The following PNPLA3 variants were observed in gnomAD, a reference collection of about 807,000 sequenced individuals.
PNPLA3 encodes the protein 1-acylglycerol-3-phosphate O-acyltransferase PNPLA3.
Under a neutral mutation model 43.1 loss-of-function variants are expected in PNPLA3, and 42 were observed. That is an observed-to-expected ratio of 0.97 (90% CI 0.76 to 1.26). PNPLA3 has a LOEUF of 1.26. Ranked by LOEUF, PNPLA3 falls within the 50% of genes most tolerant of loss-of-function variation. PNPLA3 has a pLI of 0.00. For missense variants in PNPLA3, 647 were observed against 621.4 expected (o/e 1.04, Z -0.44); for synonymous variants, 272 against 253.6 (o/e 1.07, Z -0.69).
chr22:43,928,292 G>A (rs140564410), intron 2 of PNPLA3, among the ~76,000 whole-genome samples: 55 of 152,294 alleles, frequency 3.6e-4, no homozygotes, highest in Admixed American at 1.2e-3. Flanking sequence ...GTGAATCACC[G>A]TGGTGCCTGC....
chr22:43,936,822 A>G (rs1441265451), intron 5 of PNPLA3, among the ~76,000 whole-genome samples: 3 of 152,102 alleles, frequency 2.0e-5, no homozygotes, highest in African/African-American at 7.3e-5. Context: ...ATGTAGATGG[A>G]GCCCACAAAG....
chr22:43,946,670 A>C lies in PNPLA3; in HGVS notation c.*288A>C. The C allele has an allele frequency of 2.9e-5, 17 of 593,470 alleles. No homozygotes were observed. Among genetic ancestry groups the C allele is most frequent in the Non-Finnish European group, 4.2e-5 (13 of 309,444 alleles). The allele number at this position is 593,470 out of a possible 1,614,324, so 36.8% of individuals were successfully genotyped here. On this transcript the variant is annotated 3_prime_UTR_variant, in exon 9 of 9. Transcript: ENST00000216180. ...TACTGACTGTTTCGTGGCCCTATTA[A>C]TGGTCAGACTGTTCCAGCATGAGGT...
Position 43,923,892 on chromosome 22 carries a change from CCCGCCCCGCCGCCG to C in PNPLA3, c.-14_-1del. ...CCCGACCCAGATCCTAACCCGCGCC[CCCGCCCCGCCGCCG>C]CCGCCATGTACGACGCAGAGCGCGG... On this transcript the variant is annotated 5_prime_UTR_variant, in exon 1 of 9. Coordinates refer to ENST00000216180, the MANE Select transcript of PNPLA3 (RefSeq NM_025225.3). 6.7e-7 allele frequency: 1 copy of C among 1,494,994 alleles called. No homozygotes were observed. Among genetic ancestry groups the C allele is most frequent in the Non-Finnish European group, 8.9e-7 (1 of 1,128,928 alleles). The allele number at this position is 1,494,994 out of a possible 1,614,324, so 92.6% of individuals were successfully genotyped here. A position where few individuals can be genotyped will look rare whatever the true frequency, so the allele number is the denominator to read the frequency against.
In PNPLA3 at chr22:43,928,749, G is replaced by A. The variant is rs2049941706; in HGVS notation, c.421-75G>A. Reference sequence around the variant, plus strand: ...TCAAGTTTGTTGCCCTGCTCACTTGGAGAAAGCTTATGAAGGATCAGGAAA... The same window carrying A: ...TCAAGTTTGTTGCCCTGCTCACTTGAAGAAAGCTTATGAAGGATCAGGAAA... On this transcript the variant is annotated intron_variant, in intron 2 of 8. Transcript: ENST00000216180. 11 of 1,402,570 alleles carry A rather than the reference G, an allele frequency of 7.8e-6. No individual in the cohort carries two copies. The South Asian group carries it at 1.3e-4, about 16-fold the overall frequency. 86.9% of individuals were successfully genotyped at this position (1,402,570 alleles called of 1,614,324 possible).
rs368230981 is a variant in PNPLA3, at chr22:43,944,641, T to A, written c.1113-50T>A. The stretch of plus-strand genomic sequence containing the variant: ...GTAAACAAAGGGTAGTGTTGTAAGC[T>A]GTTGTGTCTGCCTATGTGTGTGTTT... On this transcript the variant is annotated intron_variant, in intron 7 of 8. Coordinates refer to ENST00000216180, the MANE Select transcript of PNPLA3 (RefSeq NM_025225.3). 4.4e-5 allele frequency: 64 copies of A among 1,450,436 alleles called. 1 individual carries two copies. The African/African-American group carries it at 5.6e-4, about 13-fold the overall frequency. The allele number at this position is 1,450,436 out of a possible 1,614,324, so 89.8% of individuals were successfully genotyped here. A position where few individuals can be genotyped will look rare whatever the true frequency, so the allele number is the denominator to read the frequency against.
At chr22:43,926,358 T>C (rs73888501) in intron 1 of PNPLA3, among the ~76,000 whole-genome samples, 1,823 of 152,274 alleles carry the variant, frequency 0.012, 47 homozygotes, top group African/African-American at 0.042. Flanking sequence ...CAGATCAGCC[T>C]GAGAGGCCAG....
chr22:43,944,007 C>T (rs2050047294), intron 7 of PNPLA3, among the ~76,000 whole-genome samples: 1 of 152,116 alleles, frequency 6.6e-6, no homozygotes, highest in Non-Finnish European at 1.5e-5. Flanking sequence ...AGCCTGGTCT[C>T]AAACTCCTGA....
chr22:43,927,130 T>C lies in PNPLA3; in HGVS notation c.383T>C (p.Leu128Pro). The change falls in exon 2 of 9, where the codon CTG becomes CCG. Residue 128 changes from leucine (L) to proline (P), a missense_variant. Coordinates refer to ENST00000216180, the MANE Select transcript of PNPLA3 (RefSeq NM_025225.3). ...AGAGTGTCTGATGGGGAAAACGTTC[T>C]GGTGTCTGACTTTCGGTCCAAAGAC... ...LTRVSDGENV[L>P]VSDFRSKDEV... The C allele has an allele frequency of 6.2e-7, 1 of 1,614,240 alleles. No homozygotes were observed. Among genetic ancestry groups the C allele is most frequent in the Non-Finnish European group, 8.5e-7 (1 of 1,180,040 alleles).
rs546192782 is a variant in PNPLA3, at chr22:43,923,892, C to A, written c.-20C>A. The A allele has an allele frequency of 4.0e-6, 6 of 1,494,994 alleles. No individual in the cohort carries two copies. In the South Asian group the frequency reaches 7.8e-5, roughly 19 times the overall value. The allele number at this position is 1,494,994 out of a possible 1,614,324, so 92.6% of individuals were successfully genotyped here. ...CCCGACCCAGATCCTAACCCGCGCC[C>A]CCGCCCCGCCGCCGCCGCCATGTAC... On this transcript the variant is annotated 5_prime_UTR_variant, in exon 1 of 9. Transcript: ENST00000216180.
chr22:43,924,287 A>C lies in PNPLA3; in HGVS notation c.187+189A>C, dbSNP rs987088085. ...GGGGGCGCTGTTCCTGGGCCCGGGA[A>C]GGGGGCGTTGGAACCCCGAGCGGTC... is the stretch of plus-strand genomic sequence containing the variant. On this transcript the variant is annotated intron_variant, in intron 1 of 8. Coordinates refer to ENST00000216180, the MANE Select transcript of PNPLA3 (RefSeq NM_025225.3). The C allele has an allele frequency of 1.1e-5, 8 of 722,220 alleles. No homozygotes were observed. In the African/African-American group the frequency reaches 1.3e-4, roughly 12 times the overall value. The allele number at this position is 722,220 out of a possible 1,614,324, so 44.7% of individuals were successfully genotyped here. A position where few individuals can be genotyped will look rare whatever the true frequency, so the allele number is the denominator to read the frequency against.
At chr22:43,927,490 GAAA>G (rs139048) in intron 2 of PNPLA3, among the ~76,000 whole-genome samples, 2 of 140,790 alleles carry the variant, frequency 1.4e-5, no homozygotes, top group East Asian at 2.1e-4. Context: ...ATGCTGTCTG[GAAA>G]AAAAAAAAAA....
At chr22:43,932,387 G>C (rs925003600) in intron 3 of PNPLA3, among the ~76,000 whole-genome samples, 6 of 152,174 alleles carry the variant, frequency 3.9e-5, no homozygotes, top group Admixed American at 1.3e-4. Context: ...GGGCTCATGG[G>C]TTAAAGGTCT....
chr22:43,946,835 C>T lies in PNPLA3; in HGVS notation c.*453C>T. ...CTGTGGGAAGGGGTGCAGTTCGTCC[C>T]CAAGAACGACACTGCCTGTCAGGTG... is the stretch of plus-strand genomic sequence containing the variant. On this transcript the variant is annotated 3_prime_UTR_variant, in exon 9 of 9. Transcript: ENST00000216180. The T allele has an allele frequency of 6.5e-6, 3 of 458,636 alleles. No homozygotes were observed. Among genetic ancestry groups the T allele is most frequent in the South Asian group, 3.3e-5 (2 of 60,826 alleles). 28.4% of individuals were successfully genotyped at this position (458,636 alleles called of 1,614,324 possible).
At chr22:43,927,432 C>T (rs374027560) in intron 2 of PNPLA3, among the ~76,000 whole-genome samples, 7 of 149,264 alleles carry the variant, frequency 4.7e-5, no homozygotes, top group African/African-American at 1.7e-4. Context: ...GTGGAGGTTG[C>T]AGTAAGTCAT....
intron 7 of PNPLA3, among the ~76,000 whole-genome samples, chr22:43,942,697 T>TTTTC (rs2050038397): frequency 7.1e-6 from 1 of 140,954 alleles, no homozygotes; most frequent in African/African-American, 2.7e-5. Flanking sequence ...CCATTTTCTT[T>TTTTC]TTTCTTTTTT....
intron 5 of PNPLA3, among the ~76,000 whole-genome samples, chr22:43,936,547 T>G (rs1355453388): frequency 1.3e-5 from 2 of 152,226 alleles, no homozygotes; most frequent in Non-Finnish European, 1.5e-5. Context: ...TTCCAAGGCC[T>G]TGTGATGGAA....
chr22:43,946,113 G>T, intron 8 of PNPLA3, 41 bp from the exon 9 acceptor site: 1 of 1,584,134 alleles, frequency 6.3e-7, no homozygotes, highest in Non-Finnish European at 8.7e-7. Context: ...CACTGCAGCA[G>T]CGGGAACGGC....
At position 43,933,050 on chromosome 22, in the gene PNPLA3, A is replaced by G. The variant is rs143392071; in HGVS notation, c.659A>G (p.Tyr220Cys). ...LSLRLCTGNL[Y>C]LLSRAFVPPD... ...CTACGCCTCTGCACAGGGAACCTCT[A>G]CCTTCTCTCGAGAGCTTTTGTCCCC... Residue 220 changes from tyrosine (Y) to cysteine (C), a missense_variant, in exon 4 of 9, where the codon TAC becomes TGC. Coordinates refer to ENST00000216180, the MANE Select transcript of PNPLA3 (RefSeq NM_025225.3). 2.7e-4 allele frequency: 436 copies of G among 1,614,034 alleles called. 5 individuals are homozygous for G. In the East Asian group the frequency reaches 8.3e-3, roughly 31 times the overall value.
intron 7 of PNPLA3, among the ~76,000 whole-genome samples, chr22:43,943,751 C>G (rs992466371): frequency 4.6e-5 from 7 of 152,024 alleles, no homozygotes; most frequent in African/African-American, 1.7e-4. Context: ...TGGGTGTTTA[C>G]TTTGTTTTTA....
Sources: allele counts gnomAD v4.1 joint callset (sites outside exome capture counted in the v4.1 genomes callset), GRCh38; gene constraint gnomAD v4.1.1; transcripts MANE v1.5; gene names NCBI Gene and HGNC (gene_info 2026-07-23, HGNC 2026-07-21).